SMG7: variants seen among roughly 807,000 people sequenced by gnomAD.
The protein encoded by SMG7 is SMG7 nonsense mediated mRNA decay factor, also known as nonsense-mediated mRNA decay factor SMG7.
SMG7 carries 34 observed loss-of-function variants against 148.2 expected under a neutral mutation model. The observed-to-expected ratio is 0.23, with a 90% CI of 0.17 to 0.31. SMG7 has a LOEUF of 0.31. Among genes scored for constraint, SMG7 ranks in the 10% least tolerant of loss-of-function variants. The pLI is 1.00. For missense variants in SMG7, 1,114 were observed against 1,408.4 expected, an observed-to-expected ratio of 0.79 and a Z score of 3.35; for synonymous variants, 492 against 515.1, an observed-to-expected ratio of 0.96 and a Z score of 0.61.
intron 4 of SMG7, among the ~76,000 whole-genome samples, chr1:183,524,935 T>G (rs1359401503): frequency 6.6e-6 from 1 of 152,186 alleles, no homozygotes; most frequent in African/African-American, 2.4e-5. Flanking sequence ...CTTCTCTTTT[T>G]GTACCTGACT....
intron 1 of SMG7, among the ~76,000 whole-genome samples, chr1:183,484,338 T>C (rs1351194322): frequency 2.6e-5 from 4 of 151,680 alleles, no homozygotes; most frequent in Admixed American, 2.6e-4. Context: ...TTTAAAAAAT[T>C]GTTATTTTTT....
chr1:183,495,557 G>A (rs528680620), intron 1 of SMG7, among the ~76,000 whole-genome samples: 2 of 152,198 alleles, frequency 1.3e-5, no homozygotes, highest in East Asian at 1.9e-4. Flanking sequence ...TAGGATGTGG[G>A]TGTGTCTTAT....
intron 1 of SMG7, among the ~76,000 whole-genome samples, chr1:183,487,452 C>T (rs1049201362): frequency 2.0e-5 from 3 of 152,278 alleles, no homozygotes; most frequent in East Asian, 1.9e-4. Context: ...TGAAAAATCC[C>T]TGTTGTAGAT....
intron 1 of SMG7, among the ~76,000 whole-genome samples, chr1:183,507,404 T>C (rs896931645): frequency 6.6e-6 from 1 of 152,168 alleles, no homozygotes; most frequent in African/African-American, 2.4e-5. Flanking sequence ...CTTATACTCT[T>C]GTGTAAGAGA....
chr1:183,517,915 C>A, intron 4 of SMG7, 95 bp downstream of exon 4: 1 of 1,275,674 alleles, frequency 7.8e-7, no homozygotes, highest in East Asian at 2.3e-5. Context: ...TTCTTGTAAC[C>A]ACTATGTGGG....
At position 183,527,700 on chromosome 1, in the gene SMG7, A is replaced by G. The variant is rs1263342595; in HGVS notation, c.485-256A>G. ...AGTCCATAGTGGGAGCTGGTGATGC[A>G]TGACACTGGAGGACCTGAAAATGGG... is the stretch of plus-strand genomic sequence containing the variant. On this transcript the variant is annotated intron_variant, in intron 5 of 22. Coordinates refer to ENST00000688051, the MANE Select transcript of SMG7 (RefSeq NM_001375584.1). The surrounding 1 kb of genome is among the most constrained non-coding windows in gnomAD (Gnocchi z 4.0). 5.7e-6 allele frequency: 3 copies of G among 527,810 alleles called. No homozygotes were observed. Among genetic ancestry groups the G allele is most frequent in the Non-Finnish European group, 7.6e-6 (2 of 264,314 alleles). 32.7% of individuals were successfully genotyped at this position (527,810 alleles called of 1,614,324 possible). A position where few individuals can be genotyped will look rare whatever the true frequency, so the allele number is the denominator to read the frequency against.
intron 1 of SMG7, among the ~76,000 whole-genome samples, chr1:183,481,074 C>T (rs559410983): frequency 4.6e-5 from 7 of 152,268 alleles, no homozygotes; most frequent in Admixed American, 6.5e-5. Flanking sequence ...TATTAATAGT[C>T]TTGAAAAAGT....
intron 1 of SMG7, among the ~76,000 whole-genome samples, chr1:183,509,966 C>T (rs1462432113): frequency 6.6e-6 from 1 of 152,142 alleles, no homozygotes; most frequent in Non-Finnish European, 1.5e-5. Flanking sequence ...TTGTAAATTA[C>T]ATTACTATTA....
intron 3 of SMG7, among the ~76,000 whole-genome samples, chr1:183,516,633 A>G (rs980744465): frequency 9.9e-5 from 15 of 152,246 alleles, no homozygotes; most frequent in African/African-American, 1.9e-4. Context: ...TTAAAAATCA[A>G]TTAAGAGTAC....
intron 12 of SMG7, among the ~76,000 whole-genome samples, chr1:183,539,605 C>CA (rs1462642770): frequency 6.6e-6 from 1 of 152,138 alleles, no homozygotes; most frequent in African/African-American, 2.4e-5. Context: ...TTAACGTGAC[C>CA]AAAAACTGAG....
intron 17 of SMG7, 147 bp downstream of exon 17, chr1:183,546,484 T>C: frequency 1.2e-6 from 1 of 835,012 alleles, no homozygotes; most frequent in Non-Finnish European, 1.8e-6. Flanking sequence ...GCTCTTGGTT[T>C]CCTCCTCAGA....
intron 1 of SMG7, among the ~76,000 whole-genome samples, chr1:183,473,375 A>G (rs1651252450): frequency 6.6e-6 from 1 of 151,768 alleles, no homozygotes; most frequent in Non-Finnish European, 1.5e-5. Flanking sequence ...AGAGTGGTGT[A>G]AGGAACTTGT....
intron 4 of SMG7, among the ~76,000 whole-genome samples, chr1:183,523,589 A>T (rs1190579452): frequency 6.6e-6 from 1 of 152,300 alleles, no homozygotes; most frequent in Non-Finnish European, 1.5e-5. Flanking sequence ...AAGGTAGGAC[A>T]TTGTTTTGTT....
intron 1 of SMG7, chr1:183,508,168 C>T (rs1661343930): frequency 1.0e-6 from 1 of 963,324 alleles, no homozygotes; most frequent in Non-Finnish European, 1.2e-6. Flanking sequence ...ATAACAAAAC[C>T]ATAGAACAAT....
Position 183,552,606 on chromosome 1 carries a change from C to T in SMG7, c.*675C>T. 9.7e-7 allele frequency: 1 copy of T among 1,033,228 alleles called. No individual in the cohort carries two copies. Among genetic ancestry groups the T allele is most frequent in the South Asian group, 3.7e-5 (1 of 27,026 alleles). The allele number at this position is 1,033,228 out of a possible 1,614,324, so 64.0% of individuals were successfully genotyped here. A position where few individuals can be genotyped will look rare whatever the true frequency, so the allele number is the denominator to read the frequency against. On this transcript the variant is annotated 3_prime_UTR_variant, in exon 23 of 23. Transcript: ENST00000688051. Reference sequence around the variant, plus strand: ...AAGGCTCTGGTAGGCCTTCCTCTGGCCAGGAGACTCCAGCAGGGAATGCCC... The same window carrying T: ...AAGGCTCTGGTAGGCCTTCCTCTGGTCAGGAGACTCCAGCAGGGAATGCCC...
intron 1 of SMG7, among the ~76,000 whole-genome samples, chr1:183,492,725 T>G (rs1657377062): frequency 6.6e-6 from 1 of 152,258 alleles, no homozygotes; most frequent in Non-Finnish European, 1.5e-5. Flanking sequence ...ATTTCCTTCC[T>G]TCTACTTTAT....
rs1173142982 is a variant in SMG7 at position 183,545,077 on chromosome 1, A to T, written c.2135A>T (p.Lys712Ile). ...GCAGGAAACCAGGTGCAAGCTGGGA[A>T]ACAGTCCCACATTCCTTACAGCCAG... ...SPAGNQVQAG[K>I]QSHIPYSQQR... Residue 712 changes from lysine (K) to isoleucine (I), a missense_variant, in exon 16 of 23, where the codon AAA becomes ATA. Lys to Ile is a moderately radical substitution (Grantham distance 102). Transcript: ENST00000688051. 6.2e-7 allele frequency: 1 copy of T among 1,614,078 alleles called. No individual in the cohort carries two copies. The highest frequency in any genetic ancestry group is 1.1e-5 in the South Asian group (1 of 91,080).
intron 7 of SMG7, 131 bp from the exon 8 acceptor site, chr1:183,529,265 AGT>A (rs1666441831): frequency 2.0e-6 from 2 of 1,012,294 alleles, no homozygotes; most frequent in Non-Finnish European, 2.9e-6. Flanking sequence ...ACTCATCTTG[AGT>A]GTGTTGCAGT....
intron 2 of SMG7, chr1:183,513,294 A>G (rs947333406): frequency 1.9e-5 from 3 of 154,534 alleles, no homozygotes; most frequent in East Asian, 1.9e-4. Flanking sequence ...AAATATTTAT[A>G]GAAAAATTCT....
Sources: allele counts gnomAD v4.1 joint callset (sites outside exome capture counted in the v4.1 genomes callset), GRCh38; gene constraint gnomAD v4.1.1; non-coding constraint Gnocchi (gnomAD v3.1); transcripts MANE v1.5; gene names NCBI Gene and HGNC (gene_info 2026-07-23, HGNC 2026-07-21).